Variants in SUSD1 observed in about 807,000 individuals in gnomAD.
SUSD1 encodes the protein sushi domain containing 1, also known as sushi domain-containing protein 1.
Under a neutral mutation model 86.9 loss-of-function variants are expected in SUSD1, and 65 were observed. The observed-to-expected ratio is 0.75, with a 90% CI of 0.61 to 0.92. The LOEUF (loss-of-function observed/expected upper bound fraction) is 0.92, where lower values mean the gene tolerates loss of function less well. Ranked by LOEUF, SUSD1 falls within the 40% of genes least tolerant of loss-of-function variation. The pLI, the probability that SUSD1 is intolerant of heterozygous loss-of-function variation, is 0.00. For synonymous variants in SUSD1, 346 were observed against 350.0 expected (o/e 0.99, Z 0.13); for missense variants, 850 against 929.7 (o/e 0.91, Z 1.11).
chr9:112,170,870 C>T (rs762197049), intron 1 of SUSD1, among the ~76,000 whole-genome samples: 7 of 151,836 alleles, frequency 4.6e-5, no homozygotes, highest in African/African-American at 7.3e-5. Context: ...CCACCAGGCC[C>T]GGCCAATTTT....
At chr9:112,138,245 ATATATATATATGTG>A (rs1209630609) in intron 5 of SUSD1, among the ~76,000 whole-genome samples, 2 of 115,702 alleles carry the variant, frequency 1.7e-5, no homozygotes, top group African/African-American at 3.6e-5. Flanking sequence ...GTGTATATAT[ATATATATATATGTG>A]TATATACATA....
intron 7 of SUSD1, 129 bp from the exon 8 acceptor site, chr9:112,111,969 G>C (rs1831120190): frequency 1.1e-6 from 1 of 883,500 alleles, no homozygotes; most frequent in South Asian, 1.8e-5. Flanking sequence ...GCATTCGTAA[G>C]GTAAACCTGG....
At chr9:112,153,970 G>A (rs1439240133) in intron 2 of SUSD1, among the ~76,000 whole-genome samples, 1 of 151,892 alleles carries the variant, frequency 6.6e-6, no homozygotes, top group Non-Finnish European at 1.5e-5. Flanking sequence ...AGCACAGTAG[G>A]TTTGCTTATA....
At position 112,073,116 on chromosome 9, in the gene SUSD1, G is replaced by A. The variant is rs954854654; in HGVS notation, c.1753+5422C>T. Among the ~76,000 whole-genome samples, 4 of 152,250 alleles carry A rather than the reference G, an allele frequency of 2.6e-5. No homozygotes were observed. In the South Asian group the frequency reaches 8.3e-4, roughly 31 times the overall value. The stretch of plus-strand genomic sequence containing the variant: ...GTGGAGGGCGGTGTCAGAGGCAGGG[G>A]CAGGGAGGATCAGGGCAGTCCTGGC... On this transcript the variant is annotated intron_variant, in intron 12 of 16. Coordinates refer to ENST00000374270, the MANE Select transcript of SUSD1 (RefSeq NM_022486.5).
chr9:112,061,489 GCATATAGCCA>G (rs1397147983), intron 13 of SUSD1, among the ~76,000 whole-genome samples: 1 of 152,178 alleles, frequency 6.6e-6, no homozygotes, highest in African/African-American at 2.4e-5. Flanking sequence ...GCGCTGGCCG[GCATATAGCCA>G]CAAGGGTAAG....
At chr9:112,136,203 T>A (rs537847849) in intron 5 of SUSD1, among the ~76,000 whole-genome samples, 30 of 152,268 alleles carry the variant, frequency 2.0e-4, no homozygotes, top group African/African-American at 7.0e-4. Flanking sequence ...CCAGAAAATG[T>A]ATTTAATTGT....
chr9:112,093,548 C>A (rs2131594604), intron 10 of SUSD1, among the ~76,000 whole-genome samples: 1 of 152,316 alleles, frequency 6.6e-6, no homozygotes, highest in Non-Finnish European at 1.5e-5. Context: ...AATAGCTAAA[C>A]CTCATCCTTC....
chr9:112,175,259 C>A lies in SUSD1; in HGVS notation c.-24G>T. 8.7e-7 allele frequency: 1 copy of A among 1,144,706 alleles called. No homozygotes were observed. Among genetic ancestry groups the A allele is most frequent in the Admixed American group, 4.8e-5 (1 of 20,732 alleles). The allele number at this position is 1,144,706 out of a possible 1,614,324, so 70.9% of individuals were successfully genotyped here. A position where few individuals can be genotyped will look rare whatever the true frequency, so the allele number is the denominator to read the frequency against. On this transcript the variant is annotated 5_prime_UTR_variant, in exon 1 of 17. Coordinates refer to ENST00000374270, the MANE Select transcript of SUSD1 (RefSeq NM_022486.5). The surrounding 1 kb of genome is among the most constrained non-coding windows in gnomAD (Gnocchi z 4.7). ...ATGCCGCCGCCGGTCCCTCCCGGCG[C>A]GCCCGCGCCTCCTCCCGGGGCCCTC...
At chr9:112,085,037 C>A (rs999947698) in intron 10 of SUSD1, among the ~76,000 whole-genome samples, 1 of 152,174 alleles carries the variant, frequency 6.6e-6, no homozygotes, top group Non-Finnish European at 1.5e-5. Flanking sequence ...CTATCACCCC[C>A]GTTGAACTGA....
In SUSD1 at chr9:112,041,882, G is replaced by A. The variant is rs1827755518; in HGVS notation, c.2228C>T (p.Ser743Phe). 6.2e-7 allele frequency: 1 copy of A among 1,613,852 alleles called. No individual in the cohort carries two copies. Among genetic ancestry groups the A allele is most frequent in the Non-Finnish European group, 8.5e-7 (1 of 1,179,860 alleles). The change falls in exon 16 of 17, where the codon TCC becomes TTC. Residue 743 changes from serine (S) to phenylalanine (F), a missense_variant. Coordinates refer to ENST00000374270, the MANE Select transcript of SUSD1 (RefSeq NM_022486.5). ...LAVVIILTFLSFSAV is the reference protein window; with the variant it reads ...LAVVIILTFLFFSAV ...CCTCACATACCACACCGCTGAGAAGGAGAGGAATGTGAGAATGATCACAAC... is the reference window on the plus strand; with the variant it reads ...CCTCACATACCACACCGCTGAGAAGAAGAGGAATGTGAGAATGATCACAAC...
In SUSD1 at chr9:112,080,084, T is replaced by C. The variant is rs1332794113; in HGVS notation, c.1556A>G (p.Glu519Gly). The C allele has an allele frequency of 5.0e-6, 8 of 1,611,314 alleles. No individual in the cohort carries two copies. The highest frequency in any genetic ancestry group is 6.8e-6 in the Non-Finnish European group (8 of 1,177,932). ...WRSIKTADMEEMYLFHIWGQR... is the reference protein window; with the variant it reads ...WRSIKTADMEGMYLFHIWGQR... ...CTTTCAGTCACTTACTAAATACATC[T>C]CCTCCATATCAGCTGTCTTGATGCT... is the stretch of plus-strand genomic sequence containing the variant. Residue 519 changes from glutamate to glycine, a missense_variant, in exon 11 of 17, where the codon GAG becomes GGG. Physicochemically the swap from Glu to Gly is moderately conservative, Grantham distance 98. Coordinates refer to ENST00000374270, the MANE Select transcript of SUSD1 (RefSeq NM_022486.5).
chr9:112,081,631 A>C (rs1829771383), intron 10 of SUSD1, among the ~76,000 whole-genome samples: 1 of 152,254 alleles, frequency 6.6e-6, no homozygotes, highest in South Asian at 2.1e-4. Context: ...TCCCCAAATC[A>C]TTTAATATGA....
chr9:112,086,810 C>T (rs1165365757), intron 10 of SUSD1, among the ~76,000 whole-genome samples: 1 of 151,368 alleles, frequency 6.6e-6, no homozygotes, highest in African/African-American at 2.4e-5. Flanking sequence ...ATGATTCATG[C>T]CCAGTCTTAT....
chr9:112,120,841 T>A (rs781421875), intron 6 of SUSD1, among the ~76,000 whole-genome samples: 2 of 152,218 alleles, frequency 1.3e-5, no homozygotes, highest in Non-Finnish European at 2.9e-5. Flanking sequence ...CATTGACTGC[T>A]GAATGTTGGA....
intron 11 of SUSD1, 44 bp from the exon 12 acceptor site, chr9:112,078,768 G>T: frequency 6.5e-7 from 1 of 1,537,542 alleles, no homozygotes; most frequent in Non-Finnish European, 8.9e-7. Context: ...TGGCCTAAAA[G>T]GCTTTAGATG....
intron 9 of SUSD1, among the ~76,000 whole-genome samples, chr9:112,099,436 GGAA>G (rs1431671152): frequency 2.6e-5 from 4 of 151,594 alleles, no homozygotes; most frequent in Non-Finnish European, 5.9e-5. Flanking sequence ...CCCTACCCAT[GGAA>G]GAAAAAAAAA....
Position 112,124,493 on chromosome 9 carries a change from T to C in SUSD1, c.707-57A>G. 3.3e-6 allele frequency: 5 copies of C among 1,497,650 alleles called. No individual in the cohort carries two copies. The South Asian group carries it at 6.9e-5, about 21-fold the overall frequency. The allele number at this position is 1,497,650 out of a possible 1,614,324, so 92.8% of individuals were successfully genotyped here. ...AAGCCCTGACTTCCAGCCCTACAATTCATATCTTTAAAATAAATATTTAAT... is the reference window on the plus strand; with the variant it reads ...AAGCCCTGACTTCCAGCCCTACAATCCATATCTTTAAAATAAATATTTAAT... On this transcript the variant is annotated intron_variant, in intron 5 of 16. Coordinates refer to ENST00000374270, the MANE Select transcript of SUSD1 (RefSeq NM_022486.5).
rs75295541 is a variant in SUSD1 at position 112,104,836 on chromosome 9, G to C, written c.1172-2551C>G. 7.9e-5 allele frequency: 12 copies of C among 152,062 alleles called. No homozygotes were observed. The East Asian group carries it at 1.5e-3, about 20-fold the overall frequency. The allele number at this position is 152,062 out of a possible 1,614,324, so 9.4% of individuals were successfully genotyped here. A position where few individuals can be genotyped will look rare whatever the true frequency, so the allele number is the denominator to read the frequency against. On this transcript the variant is annotated intron_variant, in intron 8 of 16. Coordinates refer to ENST00000374270, the MANE Select transcript of SUSD1 (RefSeq NM_022486.5). ...CTTCCAAGGATAAGTAATCCAGAAT[G>C]GGGGGGAAAAACTGCAAAATGATTC... is the stretch of plus-strand genomic sequence containing the variant.
chr9:112,063,647 A>T (rs1188341328), intron 12 of SUSD1, among the ~76,000 whole-genome samples: 1 of 152,120 alleles, frequency 6.6e-6, no homozygotes, highest in Non-Finnish European at 1.5e-5. Flanking sequence ...TTTCCCAAAT[A>T]GGTTTTCCAT....
Sources: allele counts gnomAD v4.1 joint callset (sites outside exome capture counted in the v4.1 genomes callset), GRCh38; gene constraint gnomAD v4.1.1; non-coding constraint Gnocchi (gnomAD v3.1); transcripts MANE v1.5; gene names NCBI Gene and HGNC (gene_info 2026-07-23, HGNC 2026-07-21).